The following PRRC2B variants were observed in gnomAD, a reference collection of about 807,000 sequenced individuals.
PRRC2B encodes proline rich coiled-coil 2B.
In PRRC2B, 68 loss-of-function variants were observed where a neutral mutation model predicts 242.3. The ratio of observed to expected loss-of-function variants is 0.28; its 90% confidence interval spans 0.23 to 0.34. The LOEUF (loss-of-function observed/expected upper bound fraction) is 0.34. Among genes scored for constraint, PRRC2B ranks in the 10% least tolerant of loss-of-function variants. PRRC2B has a pLI of 1.00. For missense variants in PRRC2B, 2,835 were observed against 2,954.8 expected, an observed-to-expected ratio of 0.96 and a Z score of 0.94; for synonymous variants, 1,228 against 1,173.6, an observed-to-expected ratio of 1.05 and a Z score of -0.95.
intron 31 of PRRC2B, among the ~76,000 whole-genome samples, chr9:131,495,083 G>A (rs913392648): frequency 6.6e-6 from 1 of 152,218 alleles, no homozygotes; most frequent in Non-Finnish European, 1.5e-5. Context: ...TTCCCCTAGG[G>A]GTCATGAAAG....
intron 9 of PRRC2B, among the ~76,000 whole-genome samples, chr9:131,453,543 T>C (rs1422760995): frequency 1.3e-5 from 2 of 152,138 alleles, no homozygotes; most frequent in Non-Finnish European, 2.9e-5. Flanking sequence ...TAGTTAGCCT[T>C]GTGTTTGAGG....
chr9:131,429,353 C>T (rs1838063505), intron 1 of PRRC2B, among the ~76,000 whole-genome samples: 1 of 152,168 alleles, frequency 6.6e-6, no homozygotes, highest in Non-Finnish European at 1.5e-5. Context: ...TAGAAAGTGG[C>T]AGAGGAGGGA....
At chr9:131,385,005 GTTAA>G (rs1169551013) in intron 1 of PRRC2B, among the ~76,000 whole-genome samples, 3 of 152,146 alleles carry the variant, frequency 2.0e-5, no homozygotes. Context: ...TTTCCTTTTA[GTTAA>G]TTAATTTAAT....
chr9:131,465,011 G>A lies in PRRC2B; in HGVS notation c.1653G>A (p.Lys551=). The A allele has an allele frequency of 6.2e-7, 1 of 1,613,998 alleles. No individual in the cohort carries two copies. The highest frequency in any genetic ancestry group is 1.3e-5 in the African/African-American group (1 of 75,052). The change falls in exon 12 of 32, where the codon AAG becomes AAA. Residue 551 remains lysine (K), a synonymous_variant. Transcript: ENST00000683519. ...GTGAGGCCCGGAAGCAGGCAGAGAA[G>A]GAAGTGCCCTGGTCTCCAAGTGCTG... ...KAGEARKQAE[K]EVPWSPSAEK...
intron 1 of PRRC2B, among the ~76,000 whole-genome samples, chr9:131,416,587 C>G (rs1378520786): frequency 6.6e-6 from 1 of 151,048 alleles, no homozygotes; most frequent in Non-Finnish European, 1.5e-5. Flanking sequence ...AAAGTTTATG[C>G]TTTATTCAGA....
At chr9:131,464,021 A>C (rs1943320395) in intron 11 of PRRC2B, among the ~76,000 whole-genome samples, 1 of 151,056 alleles carries the variant, frequency 6.6e-6, no homozygotes. Flanking sequence ...GGCTCACTGC[A>C]ACTTCTACCT....
intron 9 of PRRC2B, among the ~76,000 whole-genome samples, chr9:131,450,911 A>G (rs1443176874): frequency 6.6e-6 from 1 of 152,184 alleles, no homozygotes; most frequent in African/African-American, 2.4e-5. Context: ...CTTTAGGTCC[A>G]GGAACCTGGT....
At chr9:131,416,143 C>T (rs531705069) in intron 1 of PRRC2B, among the ~76,000 whole-genome samples, 1 of 150,876 alleles carries the variant, frequency 6.6e-6, no homozygotes, top group Non-Finnish European at 1.5e-5. Flanking sequence ...GTGTCTTGCT[C>T]TGTTGCCCAG....
In PRRC2B at chr9:131,447,182, A is replaced by C; in HGVS notation, c.953A>C (p.Gln318Pro). ...CTTGAACCTCGAGTTCCTTTTAGAC[A>C]GTTCCAGATGAATGACCAAGACGGG... ...LRLEPRVPFR[Q>P]FQMNDQDGKE... Residue 318 changes from glutamine to proline, a missense_variant, in exon 8 of 32, where the codon CAG becomes CCG. Physicochemically the swap from Gln to Pro is moderately conservative, Grantham distance 76 (BLOSUM62 -1). Around this residue, in one of 7 missense-constraint regions of PRRC2B, gnomAD observed 626 missense variants for 685.5 expected, o/e 0.91. Coordinates refer to ENST00000683519, the MANE Select transcript of PRRC2B (RefSeq NM_013318.4). The C allele has an allele frequency of 6.2e-7, 1 of 1,613,976 alleles. No homozygotes were observed. The highest frequency in any genetic ancestry group is 8.5e-7 in the Non-Finnish European group (1 of 1,179,882).
At chr9:131,467,441 G>A in intron 12 of PRRC2B, 122 bp from the exon 13 acceptor site, 1 of 847,508 alleles carries the variant, frequency 1.2e-6, no homozygotes, top group Non-Finnish European at 1.8e-6. Flanking sequence ...AGGGTTCAGG[G>A]ACGTGACTGT....
chr9:131,470,313 T>C (rs908071596), intron 13 of PRRC2B, among the ~76,000 whole-genome samples: 2 of 152,006 alleles, frequency 1.3e-5, no homozygotes, highest in Admixed American at 6.6e-5. Context: ...GGTTGACATA[T>C]TGGGCGTGGG....
rs531524595 is a variant in PRRC2B, at chr9:131,485,013, C to T, written c.5631C>T (p.Gly1877=). 2.0e-5 allele frequency: 32 copies of T among 1,613,164 alleles called. No homozygotes were observed. Among genetic ancestry groups the T allele is most frequent in the South Asian group, 8.8e-5 (8 of 90,820 alleles). Residue 1877 remains glycine, a synonymous_variant, in exon 25 of 32, where the codon GGC becomes GGT. Coordinates refer to ENST00000683519, the MANE Select transcript of PRRC2B (RefSeq NM_013318.4). ...PSLPEQSSPG[G]AGSGIQPPSS... Reference sequence around the variant, plus strand: ...TGCCGGAGCAGAGCTCTCCAGGCGGCGCTGGCTCAGGCATCCAGCCTCCAT... The same window carrying T: ...TGCCGGAGCAGAGCTCTCCAGGCGGTGCTGGCTCAGGCATCCAGCCTCCAT...
rs771708558 is a variant in PRRC2B, at chr9:131,482,918, G to T, written c.5373+11G>T. ...GGAGTCAGTCCAAAAGTGAGGCTTT[G>T]ATTTGTTTTCTTGCTTGCTTTTTTT... is the stretch of plus-strand genomic sequence containing the variant. On this transcript the variant is annotated intron_variant, in intron 22 of 31. Coordinates refer to ENST00000683519, the MANE Select transcript of PRRC2B (RefSeq NM_013318.4). This position sits in a 1 kb window ranked among gnomAD's most constrained non-coding sequence, Gnocchi z 5.2. 1.9e-6 allele frequency: 3 copies of T among 1,598,410 alleles called. No individual in the cohort carries two copies. Among genetic ancestry groups the T allele is most frequent in the Non-Finnish European group, 2.6e-6 (3 of 1,172,228 alleles).
chr9:131,420,769 C>T (rs566850889), intron 1 of PRRC2B, among the ~76,000 whole-genome samples: 9 of 151,918 alleles, frequency 5.9e-5, no homozygotes, highest in Admixed American at 4.6e-4. Context: ...AGGTGTGAAC[C>T]GCCACACCTG....
At chr9:131,412,264 A>AAAACTACCCTGC (rs1837527087) in intron 1 of PRRC2B, among the ~76,000 whole-genome samples, 1 of 152,178 alleles carries the variant, frequency 6.6e-6, no homozygotes, top group Non-Finnish European at 1.5e-5. Flanking sequence ...TTGGCCCTTT[A>AAAACTACCCTGC]AAACTACCCT....
intron 11 of PRRC2B, among the ~76,000 whole-genome samples, chr9:131,461,936 G>T (rs1244614284): frequency 6.6e-6 from 1 of 152,216 alleles, no homozygotes; most frequent in African/African-American, 2.4e-5. Context: ...ACATACATAT[G>T]TGCTGGGTAC....
chr9:131,376,555 G>A (rs557333596), intron 1 of PRRC2B, among the ~76,000 whole-genome samples: 5 of 152,156 alleles, frequency 3.3e-5, no homozygotes, highest in Middle Eastern at 3.4e-3. Flanking sequence ...CATAAGACAG[G>A]TATGGATGAT....
In PRRC2B at chr9:131,476,058, C is replaced by T; in HGVS notation, c.3929C>T (p.Pro1310Leu). ...RRRRPPRQDK[P>L]PRFRRLRQER... ...AGGCGCCCCCCACGCCAAGATAAGC[C>T]CCCTCGATTCCGGCGCCTCCGGCAA... is the stretch of plus-strand genomic sequence containing the variant. Residue 1310 changes from proline (P) to leucine (L), a missense_variant, in exon 16 of 32, where the codon CCC becomes CTC. Physicochemically the swap from Pro to Leu is moderately conservative, Grantham distance 98. Coordinates refer to ENST00000683519, the MANE Select transcript of PRRC2B (RefSeq NM_013318.4). 6.2e-7 allele frequency: 1 copy of T among 1,606,894 alleles called. No individual in the cohort carries two copies. Among genetic ancestry groups the T allele is most frequent in the Non-Finnish European group, 8.5e-7 (1 of 1,175,438 alleles).
rs754661321 is a variant in PRRC2B at position 131,448,543 on chromosome 9, C to CAAAAAAAAAAAAAAAAAAAAAAAAAAAAA, written c.1120+766_1120+767insAAAAAAAAAAAAAAAAAAAAAAAAAAAAA. Among the ~76,000 whole-genome samples the CAAAAAAAAAAAAAAAAAAAAAAAAAAAAA allele has an allele frequency of 1.6e-3, 63 of 39,894 alleles. 24 individuals are homozygous for CAAAAAAAAAAAAAAAAAAAAAAAAAAAAA. The highest frequency in any genetic ancestry group is 3.6e-3 in the East Asian group (6 of 1,678). The allele number at this position is 39,894 out of a possible 152,430, so 26.2% of individuals were successfully genotyped here. On this transcript the variant is annotated intron_variant, in intron 9 of 31. Coordinates refer to ENST00000683519, the MANE Select transcript of PRRC2B (RefSeq NM_013318.4). ...TGGGCGACAGAGGGAGACACTGTCT[C>CAAAAAAAAAAAAAAAAAAAAAAAAAAAAA]AAAAAAAAAAAAAAAAAAAAAAAAA...
Sources: gnomAD v4.1 joint callset for allele counts (sites outside exome capture counted in the v4.1 genomes callset) on GRCh38, gnomAD v4.1.1 for gene constraint, gnomAD v4.1.1 regional missense constraint, Gnocchi (gnomAD v3.1) non-coding constraint, MANE v1.5 for transcripts, NCBI Gene and HGNC (gene_info 2026-07-23, HGNC 2026-07-21) for gene names.